The following PPP1R16B variants were observed in gnomAD, a reference collection of about 807,000 sequenced individuals.
PPP1R16B encodes the protein protein phosphatase 1 regulatory inhibitor subunit 16B.
Under a neutral mutation model 61.7 loss-of-function variants are expected in PPP1R16B, and 14 were observed. The observed-to-expected ratio is 0.23, with a 90% confidence interval of 0.15 to 0.35. The LOEUF (loss-of-function observed/expected upper bound fraction) is 0.35, where lower values mean the gene tolerates loss of function less well. Ranked by LOEUF, PPP1R16B falls within the 10% of genes least tolerant of loss-of-function variation. The pLI, the probability that PPP1R16B is intolerant of heterozygous loss-of-function variation, is 1.00. For missense variants in PPP1R16B, 547 were observed against 752.5 expected (o/e 0.73, Z 3.19); for synonymous variants, 266 against 305.3 (o/e 0.87, Z 1.34).
chr20:38,896,652 C>A (rs2085351961), intron 4 of PPP1R16B, among the ~76,000 whole-genome samples: 1 of 152,050 alleles, frequency 6.6e-6, no homozygotes, highest in Non-Finnish European at 1.5e-5. Context: ...TTTAAGTGTG[C>A]AGGTTAGTGG....
At chr20:38,851,349 CA>C (rs1349375325) in intron 2 of PPP1R16B, among the ~76,000 whole-genome samples, 1 of 151,818 alleles carries the variant, frequency 6.6e-6, no homozygotes, top group Non-Finnish European at 1.5e-5. Flanking sequence ...CCTGTAATCC[CA>C]GCTACTCAGG....
chr20:38,824,406 ATCT>A (rs143884455), intron 1 of PPP1R16B, among the ~76,000 whole-genome samples: 7,355 of 152,282 alleles, frequency 0.048, 246 homozygotes, highest in Non-Finnish European at 0.071. Context: ...ATTTTCTGAA[ATCT>A]TCTTGAAATT....
At chr20:38,840,484 G>A (rs1320000805) in intron 2 of PPP1R16B, among the ~76,000 whole-genome samples, 2 of 152,044 alleles carry the variant, frequency 1.3e-5, no homozygotes, top group African/African-American at 4.8e-5. Flanking sequence ...TGCCCCAGGC[G>A]ACGCCAGCTC....
intron 1 of PPP1R16B, among the ~76,000 whole-genome samples, chr20:38,830,773 T>A (rs2084831779): frequency 6.6e-6 from 1 of 152,232 alleles, no homozygotes; most frequent in African/African-American, 2.4e-5. Flanking sequence ...ACGTCAAGGC[T>A]TGTTCCTGTA....
In PPP1R16B at chr20:38,902,726, G is replaced by A. The variant is rs780078853; in HGVS notation, c.630G>A (p.Ala210=). 25 of 1,614,110 alleles carry A rather than the reference G, an allele frequency of 1.5e-5. No individual in the cohort carries two copies. The highest frequency in any genetic ancestry group is 9.3e-5 in the African/African-American group (7 of 74,948). ...TGGCTCCTGAGCAGCAGATGATTGCGGACATCCACTGCATGATCGCAGCGG... is the reference window on the plus strand; with the variant it reads ...TGGCTCCTGAGCAGCAGATGATTGCAGACATCCACTGCATGATCGCAGCGG... ...MRVAPEQQMI[A]DIHCMIAAGQ... is the part of the protein sequence containing the mutation. The change falls in exon 6 of 11, where the codon GCG becomes GCA. Residue 210 remains alanine, a synonymous_variant. Coordinates refer to ENST00000299824, the MANE Select transcript of PPP1R16B (RefSeq NM_015568.4).
intron 3 of PPP1R16B, among the ~76,000 whole-genome samples, chr20:38,893,642 G>A (rs2145763984): frequency 6.6e-6 from 1 of 152,134 alleles, no homozygotes; most frequent in South Asian, 2.1e-4. Context: ...CACCTCGGCC[G>A]CAGCAGAGGA....
chr20:38,847,372 T>C (rs116679465), intron 2 of PPP1R16B, among the ~76,000 whole-genome samples: 2,105 of 152,324 alleles, frequency 0.014, 61 homozygotes, highest in African/African-American at 0.048. Context: ...GTTGTTGTTG[T>C]TTTGAGACGG....
chr20:38,861,868 G>A (rs1305093766), intron 2 of PPP1R16B, among the ~76,000 whole-genome samples: 1 of 151,834 alleles, frequency 6.6e-6, no homozygotes, highest in Non-Finnish European at 1.5e-5. Context: ...GTAGAGACAG[G>A]GTTTCACCAT....
At chr20:38,891,396 ATATTAT>A (rs1052368926) in intron 3 of PPP1R16B, among the ~76,000 whole-genome samples, 1 of 152,230 alleles carries the variant, frequency 6.6e-6, no homozygotes, top group African/African-American at 2.4e-5. Context: ...TACTGGATAA[ATATTAT>A]TATTATTTAT....
At chr20:38,813,827 C>T (rs2084717967) in intron 1 of PPP1R16B, among the ~76,000 whole-genome samples, 1 of 150,124 alleles carries the variant, frequency 6.7e-6, no homozygotes, top group Non-Finnish European at 1.5e-5. Context: ...GACACAGTCT[C>T]ACTCTGTCGT....
chr20:38,915,769 C>T (rs539775835), intron 10 of PPP1R16B, among the ~76,000 whole-genome samples: 2 of 152,100 alleles, frequency 1.3e-5, no homozygotes, highest in Admixed American at 6.5e-5. Flanking sequence ...GGATTATAAG[C>T]GTGAGCCACC....
intron 2 of PPP1R16B, among the ~76,000 whole-genome samples, chr20:38,865,006 C>A (rs2085080420): frequency 6.6e-6 from 1 of 152,142 alleles, no homozygotes; most frequent in African/African-American, 2.4e-5. Context: ...TGGCCTCGGC[C>A]CTGGTTCTCT....
chr20:38,895,996 C>T (rs199658657), intron 4 of PPP1R16B, among the ~76,000 whole-genome samples: 4,954 of 85,482 alleles, frequency 0.058, 627 homozygotes, highest in Middle Eastern at 0.14. Flanking sequence ...CCTTCTTTCT[C>T]TCCTCCCTTC....
At chr20:38,902,285 C>A (rs528326818) in intron 5 of PPP1R16B, among the ~76,000 whole-genome samples, 29 of 152,316 alleles carry the variant, frequency 1.9e-4, no homozygotes, top group African/African-American at 6.7e-4. Context: ...CTAACAGAGA[C>A]CCTGGTCAGA....
intron 1 of PPP1R16B, among the ~76,000 whole-genome samples, chr20:38,809,055 G>GAAAA (rs397792109): frequency 1.3e-5 from 2 of 151,156 alleles, no homozygotes; most frequent in Admixed American, 1.3e-4. Context: ...AAAAAAAAAA[G>GAAAA]TGCTCAGTAC....
At chr20:38,862,160 G>A (rs1046033597) in intron 2 of PPP1R16B, among the ~76,000 whole-genome samples, 24 of 152,214 alleles carry the variant, frequency 1.6e-4, no homozygotes, top group African/African-American at 5.8e-4. Context: ...ATGCTGGGCT[G>A]TCTTCCTGAA....
At chr20:38,813,764 C>CATT (rs1491391416) in intron 1 of PPP1R16B, among the ~76,000 whole-genome samples, 1,686 of 132,570 alleles carry the variant, frequency 0.013, 16 homozygotes, top group African/African-American at 0.032. Context: ...TCATCATCAT[C>CATT]ATCATTATTA....
At chr20:38,905,869 C>A in intron 6 of PPP1R16B, 100 bp from the exon 7 acceptor site, 1 of 1,218,930 alleles carries the variant, frequency 8.2e-7, no homozygotes. Flanking sequence ...ATTCTACTGG[C>A]CCCAAGGATG....
rs571558940 is a variant in PPP1R16B, at chr20:38,872,514, C to T, written c.251-17081C>T. Among the ~76,000 whole-genome samples the T allele has an allele frequency of 2.6e-5, 4 of 152,314 alleles. No individual in the cohort carries two copies. The South Asian group carries it at 8.3e-4, about 32-fold the overall frequency. On this transcript the variant is annotated intron_variant, in intron 2 of 10. Transcript: ENST00000299824. ...CAAACTTGACAGTGCACTGGAATCA[C>T]TGGCAGGGTTTGTTAAAGCGTAGAT... is the stretch of plus-strand genomic sequence containing the variant.
Sources: allele counts gnomAD v4.1 joint callset (sites outside exome capture counted in the v4.1 genomes callset), GRCh38; gene constraint gnomAD v4.1.1; transcripts MANE v1.5; gene names NCBI Gene and HGNC (gene_info 2026-07-23, HGNC 2026-07-21).